FMN2: variants seen among roughly 807,000 people sequenced by gnomAD.
The protein encoded by FMN2 is formin 2, also known as formin-2.
Under a neutral mutation model 142.3 loss-of-function variants are expected in FMN2, and 51 were observed. The observed-to-expected ratio is 0.36, with a 90% CI of 0.29 to 0.45. The LOEUF is 0.45. Among genes scored for constraint, FMN2 ranks in the 20% least tolerant of loss-of-function variants. The probability of loss-of-function intolerance (pLI) is 1.00; values close to 1 mark genes in which losing one functional copy is unlikely to be tolerated. For synonymous variants in FMN2, 882 were observed against 869.8 expected (o/e 1.01, Z -0.25); for missense variants, 1,936 against 2,122.8 (o/e 0.91, Z 1.73).
In FMN2 at chr1:240,254,893, A is replaced by G. The variant is rs560590838; in HGVS notation, c.4066-3052A>G. On this transcript the variant is annotated intron_variant, in intron 6 of 17. Coordinates refer to ENST00000319653, the MANE Select transcript of FMN2 (RefSeq NM_020066.5). ...AGGATGCAGTCTGGTGGGGGCTGAC[A>G]TTTCAAAACAGTGCCCTCCTGTAAC... Among the ~76,000 whole-genome samples, 15 of 152,218 alleles carry G rather than the reference A, an allele frequency of 9.9e-5. No homozygotes were observed. In the East Asian group the frequency reaches 2.9e-3, roughly 30 times the overall value.
At chr1:240,444,521 G>A (rs565893688) in intron 16 of FMN2, among the ~76,000 whole-genome samples, 1 of 148,178 alleles carries the variant, frequency 6.7e-6, no homozygotes, top group African/African-American at 2.6e-5. Context: ...TATGTTTAAA[G>A]TATTGTCTAA....
At chr1:240,150,797 T>C (rs1174216301) in intron 2 of FMN2, among the ~76,000 whole-genome samples, 3 of 152,210 alleles carry the variant, frequency 2.0e-5, no homozygotes, top group Non-Finnish European at 2.9e-5. Flanking sequence ...TAGAGAAGCA[T>C]TGAGATCTAG....
chr1:240,289,691 C>CT (rs1202324036), intron 7 of FMN2, among the ~76,000 whole-genome samples: 1 of 151,400 alleles, frequency 6.6e-6, no homozygotes, highest in East Asian at 1.9e-4. Context: ...CTGTCTCTCT[C>CT]TAAAAAAAAG....
rs895492270 is a variant in FMN2, at chr1:240,143,664, G to A, written c.1782+20319G>A. The A allele has an allele frequency of 5.6e-6, 9 of 1,609,860 alleles. No individual in the cohort carries two copies. In the African/African-American group the frequency reaches 6.7e-5, roughly 12 times the overall value. On this transcript the variant is annotated intron_variant, in intron 2 of 17. Transcript: ENST00000319653. ...CCTCCAGTGCAGCCAGGATTGCCTCGATGGCCTCACCCTTCCCCAGGTGAT... is the reference window on the plus strand; with the variant it reads ...CCTCCAGTGCAGCCAGGATTGCCTCAATGGCCTCACCCTTCCCCAGGTGAT...
In FMN2 at chr1:240,188,254, G is replaced by A. The variant is rs753798486; in HGVS notation, c.1978G>A (p.Val660Ile). ...SETPQKRSDA[V>I]QKEVVDMKSE... ...AACTCCCCAAAAACGCTCAGATGCT[G>A]TCCAGAAGGTAAGATGATCTTATTA... is the stretch of plus-strand genomic sequence containing the variant. The change falls in exon 4 of 18, where the codon GTC becomes ATC. Residue 660 changes from valine to isoleucine, a missense_variant. By Grantham distance (29) the Val-to-Ile change is conservative. Transcript: ENST00000319653. 1.9e-6 allele frequency: 3 copies of A among 1,613,598 alleles called. No individual in the cohort carries two copies. In the South Asian group the frequency reaches 3.3e-5, roughly 18 times the overall value.
chr1:240,115,721 T>A (rs1016806451), intron 1 of FMN2, among the ~76,000 whole-genome samples: 3 of 152,106 alleles, frequency 2.0e-5, no homozygotes, highest in African/African-American at 7.2e-5. Flanking sequence ...GGAGAAAACA[T>A]GGGTTCTTGG....
intron 14 of FMN2, among the ~76,000 whole-genome samples, chr1:240,374,638 C>T (rs1672985207): frequency 6.6e-6 from 1 of 152,148 alleles, no homozygotes; most frequent in Non-Finnish European, 1.5e-5. Flanking sequence ...TTGAAGAGAA[C>T]TAGGGCCTTG....
At chr1:240,286,957 C>T (rs1319188013) in intron 7 of FMN2, among the ~76,000 whole-genome samples, 1 of 152,148 alleles carries the variant, frequency 6.6e-6, no homozygotes, top group Non-Finnish European at 1.5e-5. Context: ...TGTCTTTCTA[C>T]TTCACTATAC....
intron 6 of FMN2, among the ~76,000 whole-genome samples, chr1:240,230,038 C>G (rs185202894): frequency 1.5e-5 from 2 of 131,100 alleles, no homozygotes; most frequent in South Asian, 4.8e-4. Flanking sequence ...GAAGAGAGGC[C>G]GGCGCAGTGG....
In FMN2 at chr1:240,260,740, G is replaced by A. The variant is rs528921450; in HGVS notation, c.4153+2708G>A. 1.1e-3 allele frequency among the ~76,000 whole-genome samples: 166 copies of A among 152,114 alleles called. 2 individuals are homozygous for A. Among genetic ancestry groups the A allele is most frequent in the South Asian group, 3.3e-3 (16 of 4,820 alleles). ...CTGCTGACTATTCCTTTTGACACGC[G>A]GAAGCTCTTTAGTTTAATTAAGTCC... On this transcript the variant is annotated intron_variant, in intron 7 of 17. Coordinates refer to ENST00000319653, the MANE Select transcript of FMN2 (RefSeq NM_020066.5).
chr1:240,202,799 A>G (rs1041614441), intron 4 of FMN2, among the ~76,000 whole-genome samples: 1 of 152,116 alleles, frequency 6.6e-6, no homozygotes, highest in African/African-American at 2.4e-5. Flanking sequence ...ATGTGTTTAT[A>G]TAATAATATC....
At chr1:240,221,309 G>T (rs574550575) in intron 6 of FMN2, among the ~76,000 whole-genome samples, 1 of 152,118 alleles carries the variant, frequency 6.6e-6, no homozygotes, top group Non-Finnish European at 1.5e-5. Flanking sequence ...TTCCACAATG[G>T]TTGAACTAAT....
intron 13 of FMN2, among the ~76,000 whole-genome samples, chr1:240,338,198 C>G (rs1671627278): frequency 6.6e-6 from 1 of 152,140 alleles, no homozygotes; most frequent in Non-Finnish European, 1.5e-5. Context: ...TTTTCAATAT[C>G]TGAGTTGAAA....
chr1:240,148,259 C>CAG (rs1196375290), intron 2 of FMN2, among the ~76,000 whole-genome samples: 1 of 143,978 alleles, frequency 6.9e-6, no homozygotes, highest in Non-Finnish European at 1.5e-5. Context: ...CAGAGATAGA[C>CAG]AGAGAGACAG....
chr1:240,153,938 C>A (rs723574), intron 2 of FMN2, among the ~76,000 whole-genome samples: 68,403 of 151,050 alleles, frequency 0.45, 16,889 homozygotes, highest in South Asian at 0.65. Flanking sequence ...CAACATGGCA[C>A]AACCCTGCCT....
intron 15 of FMN2, among the ~76,000 whole-genome samples, chr1:240,428,231 G>A (rs897580266): frequency 6.9e-6 from 1 of 144,618 alleles, no homozygotes; most frequent in Non-Finnish European, 1.5e-5. Context: ...AAAACATTTC[G>A]CCTTTTTTTT....
chr1:240,257,497 A>G (rs938139540), intron 6 of FMN2, among the ~76,000 whole-genome samples: 11 of 152,182 alleles, frequency 7.2e-5, no homozygotes, highest in African/African-American at 2.2e-4. Context: ...CAGATTCTCT[A>G]TGTGTGTACT....
chr1:240,452,665 A>G (rs1676102282), intron 16 of FMN2, among the ~76,000 whole-genome samples: 1 of 152,170 alleles, frequency 6.6e-6, no homozygotes, highest in Non-Finnish European at 1.5e-5. Flanking sequence ...ATGAGGCATA[A>G]AAAGGAAAAA....
intron 2 of FMN2, among the ~76,000 whole-genome samples, chr1:240,130,417 C>T (rs1662687221): frequency 6.6e-6 from 1 of 152,170 alleles, no homozygotes; most frequent in South Asian, 2.1e-4. Flanking sequence ...ATTCTCCTGC[C>T]TCACCCTACT....
Sources: allele counts gnomAD v4.1 joint callset (sites outside exome capture counted in the v4.1 genomes callset), GRCh38; gene constraint gnomAD v4.1.1; transcripts MANE v1.5; gene names NCBI Gene and HGNC (gene_info 2026-07-23, HGNC 2026-07-21).